ATG2B: variants seen among roughly 807,000 people sequenced by gnomAD.
ATG2B encodes the protein autophagy related 2B.
ATG2B carries 121 observed loss-of-function variants against 241.3 expected under a neutral mutation model. The ratio of observed to expected loss-of-function variants is 0.50; its 90% CI spans 0.43 to 0.58. ATG2B has a LOEUF of 0.58. Among genes scored for constraint, ATG2B ranks in the 20% least tolerant of loss-of-function variants. The probability of loss-of-function intolerance (pLI) is 0.00; values close to 1 mark genes in which losing one functional copy is unlikely to be tolerated. For missense variants in ATG2B, 2,306 were observed against 2,491.6 expected, an observed-to-expected ratio of 0.93 and a Z score of 1.59; for synonymous variants, 858 against 876.6, an observed-to-expected ratio of 0.98 and a Z score of 0.37.
At chr14:96,334,725 C>T (rs546735603) in intron 6 of ATG2B, among the ~76,000 whole-genome samples, 93 of 152,112 alleles carry the variant, frequency 6.1e-4, no homozygotes, top group Non-Finnish European at 1.1e-3. Flanking sequence ...TCCATGCTGA[C>T]GAGTCCAATG....
At chr14:96,353,194 G>A (rs1019512323) in intron 1 of ATG2B, among the ~76,000 whole-genome samples, 1 of 152,092 alleles carries the variant, frequency 6.6e-6, no homozygotes, top group Non-Finnish European at 1.5e-5. Flanking sequence ...GTTTAGGCAA[G>A]TACACTATGA....
At chr14:96,333,933 C>A (rs1368611658) in intron 7 of ATG2B, 60 bp from the exon 8 acceptor site, 6 of 1,485,318 alleles carry the variant, frequency 4.0e-6, no homozygotes, top group South Asian at 2.3e-5. Context: ...TTAAGCATTT[C>A]TTTCCCAAAA....
At chr14:96,344,825 A>ATTT in intron 3 of ATG2B, 69 bp from the exon 4 acceptor site, 2 of 621,134 alleles carry the variant, frequency 3.2e-6, no homozygotes. Context: ...CCAAAGAAAT[A>ATTT]AATAAGTACT....
intron 16 of ATG2B, 103 bp from the exon 17 acceptor site, chr14:96,322,838 G>T: frequency 2.1e-6 from 2 of 936,294 alleles, no homozygotes; most frequent in Non-Finnish European, 3.1e-6. Context: ...AAATCTTAAT[G>T]ATAGAATTAA....
At position 96,312,097 on chromosome 14, in the gene ATG2B, A is replaced by G; in HGVS notation, c.3905T>C (p.Leu1302Pro). The change falls in exon 26 of 42, where the codon CTG becomes CCG. Residue 1302 changes from leucine (L) to proline (P), a missense_variant. By Grantham distance (98) the Leu-to-Pro change is moderately conservative (BLOSUM62 -3). Coordinates refer to ENST00000359933, the MANE Select transcript of ATG2B (RefSeq NM_018036.7). ...SDKCNTVTIN[L>P]SRDYVRVMDM... ...TGTTTTTTAACTCTTACCTCTACTCAGATTTATAGTGACAGTATTGCATTT... is the reference window on the plus strand; with the variant it reads ...TGTTTTTTAACTCTTACCTCTACTCGGATTTATAGTGACAGTATTGCATTT... 1 of 1,604,422 alleles carries G rather than the reference A, an allele frequency of 6.2e-7. No homozygotes were observed. The highest frequency in any genetic ancestry group is 8.5e-7 in the Non-Finnish European group (1 of 1,176,246).
rs1462855696 is a variant in ATG2B at position 96,362,957 on chromosome 14, T to G, written c.20A>C (p.Glu7Ala). The G allele has an allele frequency of 6.2e-7, 1 of 1,613,386 alleles. No homozygotes were observed. The highest frequency in any genetic ancestry group is 1.7e-5 in the Admixed American group (1 of 60,002). The change falls in exon 1 of 42, where the codon GAG (glutamate) becomes GCG (alanine). Residue 7 changes from glutamate to alanine, a missense_variant. This residue lies in a region of ATG2B where 1,927 missense variants were observed against 2,011.2 expected (regional missense o/e 0.96). Transcript: ENST00000359933. The stretch of plus-strand genomic sequence containing the variant: ...CCGGCAGGCCCTCTTCTTGATGGAC[T>G]CCGAAAACGGCCAAGGCATAGTGAC... MPWPFS[E>A]SIKKRACRYL...
At chr14:96,287,273 A>C (rs932904709) in intron 41 of ATG2B, among the ~76,000 whole-genome samples, 1 of 149,752 alleles carries the variant, frequency 6.7e-6, no homozygotes, top group African/African-American at 2.4e-5. Context: ...AAAAAAAAAA[A>C]CGTGTCCAGA....
chr14:96,353,087 T>C (rs1178954526), intron 1 of ATG2B, among the ~76,000 whole-genome samples: 1 of 152,262 alleles, frequency 6.6e-6, no homozygotes, highest in Non-Finnish European at 1.5e-5. Context: ...TGTGTCACAG[T>C]TGCCTACAGT....
Position 96,331,560 on chromosome 14 carries a change from T to C in ATG2B, c.1546A>G (p.Ile516Val), listed in dbSNP as rs377673543. Residue 516 changes from isoleucine (I) to valine (V), a missense_variant, in exon 11 of 42, where the codon ATC becomes GTC. By Grantham distance (29) the Ile-to-Val change is conservative (BLOSUM62 3). Coordinates refer to ENST00000359933, the MANE Select transcript of ATG2B (RefSeq NM_018036.7). ...AAAGGATCAATGTGAAGCACAGAGA[T>C]TGAAAAAGTTCCCACAGCTAGTCTA... ...IFRLAVGTFS[I>V]SVLHIDPLSP... The C allele has an allele frequency of 9.3e-6, 15 of 1,614,048 alleles. No homozygotes were observed. Among genetic ancestry groups the C allele is most frequent in the Admixed American group, 5.0e-5 (3 of 60,008 alleles).
chr14:96,339,145 A>G (rs75426136), intron 6 of ATG2B, among the ~76,000 whole-genome samples: 5,030 of 152,160 alleles, frequency 0.033, 141 homozygotes, highest in South Asian at 0.13. Flanking sequence ...TGGGATGGAC[A>G]TCGTAAAAAA....
chr14:96,363,116 C>G lies in ATG2B; in HGVS notation c.-140G>C. On this transcript the variant is annotated 5_prime_UTR_variant, in exon 1 of 42. It removes the in-frame stop codon of an upstream open reading frame in the 5' UTR. Coordinates refer to ENST00000359933, the MANE Select transcript of ATG2B (RefSeq NM_018036.7). Reference sequence around the variant, plus strand: ...TCCCTATTTGGTGCCGGGAGTCCCTCAGGGAGACCCCATCGCCGGCGCCGC... The same window carrying G: ...TCCCTATTTGGTGCCGGGAGTCCCTGAGGGAGACCCCATCGCCGGCGCCGC... 1 of 921,580 alleles carries G rather than the reference C, an allele frequency of 1.1e-6. No individual in the cohort carries two copies. The highest frequency in any genetic ancestry group is 1.5e-5 in the South Asian group (1 of 67,392). The allele number at this position is 921,580 out of a possible 1,614,324, so 57.1% of individuals were successfully genotyped here.
In ATG2B at chr14:96,283,120, T is replaced by C. The variant is rs1254572222; in HGVS notation, c.*2635A>G. On this transcript the variant is annotated 3_prime_UTR_variant, in exon 42 of 42. Transcript: ENST00000359933. ...TCCATTCAAGAGGAAGACACGGTTG[T>C]GGCCTCAGCTGCCTCTCTACTCGTC... The C allele has an allele frequency of 6.6e-6, 1 of 152,200 alleles. No homozygotes were observed. The highest frequency in any genetic ancestry group is 1.9e-4 in the East Asian group (1 of 5,188). The allele number at this position is 152,200 out of a possible 1,614,324, so 9.4% of individuals were successfully genotyped here. A position where few individuals can be genotyped will look rare whatever the true frequency, so the allele number is the denominator to read the frequency against.
chr14:96,346,619 ATCTAAT>A (rs1263854393), intron 2 of ATG2B, among the ~76,000 whole-genome samples: 3 of 152,162 alleles, frequency 2.0e-5, no homozygotes, highest in South Asian at 2.1e-4. Context: ...TGTCAATTCT[ATCTAAT>A]TCTATCATTT....
chr14:96,340,257 TATATATGGACCC>T (rs1887998579), intron 6 of ATG2B, among the ~76,000 whole-genome samples: 3 of 143,364 alleles, frequency 2.1e-5, no homozygotes, highest in Admixed American at 7.2e-5. Context: ...GGACTCATCC[TATATATGGACCC>T]ATATATGGAC....
intron 30 of ATG2B, among the ~76,000 whole-genome samples, 169 bp from the exon 31 acceptor site, chr14:96,305,984 T>C (rs1886935590): frequency 6.6e-6 from 1 of 152,244 alleles, no homozygotes; most frequent in South Asian, 2.1e-4. Flanking sequence ...TTCTGCTTTA[T>C]TAACCATAAA....
chr14:96,295,474 T>G lies in ATG2B; in HGVS notation c.5218+8A>C. Reference sequence around the variant, plus strand: ...GGTATAGTCTTTTCAACTATACATATTTAATACCTTCTGGATCTGGAGTCA... The same window carrying G: ...GGTATAGTCTTTTCAACTATACATAGTTAATACCTTCTGGATCTGGAGTCA... On this transcript the variant is annotated splice_region_variant and intron_variant, in intron 35 of 41. Coordinates refer to ENST00000359933, the MANE Select transcript of ATG2B (RefSeq NM_018036.7). The G allele has an allele frequency of 6.3e-7, 1 of 1,576,434 alleles. No individual in the cohort carries two copies. The highest frequency in any genetic ancestry group is 8.6e-7 in the Non-Finnish European group (1 of 1,159,772).
In ATG2B at chr14:96,322,272, A is replaced by G; in HGVS notation, c.2737-18T>C. The G allele has an allele frequency of 6.3e-7, 1 of 1,575,812 alleles. No homozygotes were observed. The highest frequency in any genetic ancestry group is 1.2e-5 in the South Asian group (1 of 82,914). On this transcript the variant is annotated intron_variant, in intron 17 of 41. Coordinates refer to ENST00000359933, the MANE Select transcript of ATG2B (RefSeq NM_018036.7). ...ATCACCATCTAAAACATAATAGTTC[A>G]GTGCAAAAAAAAAGGCATCCATGTT...
Position 96,315,080 on chromosome 14 carries a change from A to G in ATG2B, c.3642+74T>C, listed in dbSNP as rs539711299. The G allele has an allele frequency of 1.7e-3, 1,812 of 1,065,466 alleles. 1 individual carries two copies. The highest frequency in any genetic ancestry group is 2.2e-3 in the Non-Finnish European group (1,538 of 711,158). The allele number at this position is 1,065,466 out of a possible 1,614,324, so 66.0% of individuals were successfully genotyped here. On this transcript the variant is annotated intron_variant, in intron 23 of 41. Transcript: ENST00000359933. ...CTGAGCTGAACATTTATGACTTACA[A>G]ACTTTTCAGTATGTGTATTAGATGT...
chr14:96,345,649 C>T lies in ATG2B; in HGVS notation c.326-264G>A, dbSNP rs556586529. 3.0e-4 allele frequency among the ~76,000 whole-genome samples: 46 copies of T among 152,242 alleles called. No individual in the cohort carries two copies. In the South Asian group the frequency reaches 6.4e-3, roughly 21 times the overall value. On this transcript the variant is annotated intron_variant, in intron 2 of 41. Transcript: ENST00000359933. Reference sequence around the variant, plus strand: ...TGTTATATTTTACCAAATATCAATTCATGTATTCATTCAACAAATACTTAA... The same window carrying T: ...TGTTATATTTTACCAAATATCAATTTATGTATTCATTCAACAAATACTTAA...
Sources: gnomAD v4.1 joint callset for allele counts (sites outside exome capture counted in the v4.1 genomes callset) on GRCh38, gnomAD v4.1.1 for gene constraint, gnomAD v4.1.1 regional missense constraint, MANE v1.5 for transcripts, NCBI Gene and HGNC (gene_info 2026-07-23, HGNC 2026-07-21) for gene names.